The following PHF21B variants were observed in gnomAD, a reference collection of about 807,000 sequenced individuals.
The protein encoded by PHF21B is PHD finger protein 4.
Under a neutral mutation model 62.2 loss-of-function variants are expected in PHF21B, and 22 were observed. The ratio of observed to expected loss-of-function variants is 0.35; its 90% CI spans 0.25 to 0.51. PHF21B has a LOEUF of 0.51. Ranked by LOEUF, PHF21B falls within the 20% of genes least tolerant of loss-of-function variation. PHF21B has a pLI of 0.97. For synonymous variants in PHF21B, 341 were observed against 314.7 expected, an observed-to-expected ratio of 1.08 and a Z score of -0.88; for missense variants, 701 against 707.9, an observed-to-expected ratio of 0.99 and a Z score of 0.11.
rs2071899276 is a variant in PHF21B, at chr22:44,938,804, C to T, written c.121-18314G>A. Among the ~76,000 whole-genome samples, 4 of 152,296 alleles carry T rather than the reference C, an allele frequency of 2.6e-5. No individual in the cohort carries two copies. The South Asian group carries it at 8.3e-4, about 32-fold the overall frequency. ...AGGATCAGGAACAGGTTCTGGGTGG[C>T]ACTGAATATGGGGCAGGAAATCTGG... On this transcript the variant is annotated intron_variant, in intron 2 of 12. Transcript: ENST00000313237.
At chr22:44,918,215 C>A (rs1452395109) in intron 3 of PHF21B, among the ~76,000 whole-genome samples, 1 of 152,236 alleles carries the variant, frequency 6.6e-6, no homozygotes, top group Non-Finnish European at 1.5e-5. Context: ...GGCGTGGGGG[C>A]GGATGGACAC....
In PHF21B at chr22:44,935,127, C is replaced by T. The variant is rs1019616978; in HGVS notation, c.121-14637G>A. 9.2e-5 allele frequency among the ~76,000 whole-genome samples: 14 copies of T among 152,274 alleles called. No individual in the cohort carries two copies. In the East Asian group the frequency reaches 2.1e-3, roughly 23 times the overall value. On this transcript the variant is annotated intron_variant, in intron 2 of 12. Coordinates refer to ENST00000313237, the MANE Select transcript of PHF21B (RefSeq NM_138415.5). ...TCGGTCCAGTGGTCACCCCTGTCCC[C>T]GACACACTCCCTCTGACCTGCGTCT...
chr22:44,974,363 A>G (rs2072696403), intron 2 of PHF21B, among the ~76,000 whole-genome samples: 1 of 151,632 alleles, frequency 6.6e-6, no homozygotes. Flanking sequence ...GCAGTGAGCC[A>G]TGATCGCACC....
At chr22:44,922,782 T>C (rs2071560632) in intron 2 of PHF21B, among the ~76,000 whole-genome samples, 1 of 152,342 alleles carries the variant, frequency 6.6e-6, no homozygotes, top group African/African-American at 2.4e-5. Flanking sequence ...ATAAGACCTG[T>C]ACACTGGAAA....
chr22:44,999,480 T>C (rs943576941), intron 2 of PHF21B, among the ~76,000 whole-genome samples: 1 of 152,028 alleles, frequency 6.6e-6, no homozygotes, highest in Non-Finnish European at 1.5e-5. Context: ...TCCCGGGAGA[T>C]GCAGAGACCC....
At chr22:44,950,566 C>T (rs1204982612) in intron 2 of PHF21B, among the ~76,000 whole-genome samples, 2 of 151,876 alleles carry the variant, frequency 1.3e-5, no homozygotes, top group Non-Finnish European at 2.9e-5. Context: ...TTCTGTTCTT[C>T]GTGTTCGTGT....
intron 2 of PHF21B, among the ~76,000 whole-genome samples, chr22:44,921,391 G>A (rs943772252): frequency 1.3e-5 from 2 of 150,982 alleles, no homozygotes; most frequent in Non-Finnish European, 2.9e-5. Context: ...TTCTTGAGAC[G>A]GAGTCTTGCT....
intron 5 of PHF21B, among the ~76,000 whole-genome samples, chr22:44,905,917 C>G (rs2071241653): frequency 6.6e-6 from 1 of 152,240 alleles, no homozygotes; most frequent in Non-Finnish European, 1.5e-5. Context: ...CTTTCTTTTT[C>G]TCTCCCTCAC....
rs16993241 is a variant in PHF21B at position 44,967,083 on chromosome 22, C to G, written c.120+41462G>C. The G allele has an allele frequency of 0.017, 2,542 of 152,378 alleles. 363 individuals carry two copies. The East Asian group carries it at 0.35, about 21-fold the overall frequency. The allele number at this position is 152,378 out of a possible 1,614,324, so 9.4% of individuals were successfully genotyped here. On this transcript the variant is annotated intron_variant, in intron 2 of 12. Transcript: ENST00000313237. ...CATGGAGAGCCACGTGGAGCTGAAT[C>G]AGGAACTTTCTCCAACCACTGAGTC...
intron 5 of PHF21B, among the ~76,000 whole-genome samples, chr22:44,908,992 T>C (rs1202966878): frequency 6.6e-6 from 1 of 152,152 alleles, no homozygotes; most frequent in African/African-American, 2.4e-5. Flanking sequence ...GAGACCAGGT[T>C]TCACCCTATT....
At chr22:44,966,165 C>T (rs554692619) in intron 2 of PHF21B, among the ~76,000 whole-genome samples, 6 of 152,334 alleles carry the variant, frequency 3.9e-5, no homozygotes, top group South Asian at 2.1e-4. Flanking sequence ...CTCGCTCCTA[C>T]GCTGCCTGGG....
intron 2 of PHF21B, among the ~76,000 whole-genome samples, chr22:44,958,923 G>T (rs536004064): frequency 2.6e-5 from 4 of 152,124 alleles, no homozygotes; most frequent in Non-Finnish European, 5.9e-5. Flanking sequence ...TTACAGGTGT[G>T]AGCCACCGCA....
intron 7 of PHF21B, among the ~76,000 whole-genome samples, chr22:44,891,648 G>T (rs1276586860): frequency 2.0e-5 from 3 of 152,216 alleles, no homozygotes; most frequent in African/African-American, 7.2e-5. Context: ...CTCAGGAAGG[G>T]CCGTCAGTGG....
At chr22:45,007,629 T>TA (rs2073346110) in intron 2 of PHF21B, among the ~76,000 whole-genome samples, 1 of 139,602 alleles carries the variant, frequency 7.2e-6, no homozygotes, top group African/African-American at 2.7e-5. Context: ...GCCACAGCGG[T>TA]GCCCCCAGCA....
intron 2 of PHF21B, among the ~76,000 whole-genome samples, chr22:44,935,912 C>A (rs1257489028): frequency 6.6e-6 from 1 of 152,180 alleles, no homozygotes; most frequent in Admixed American, 6.5e-5. Context: ...CGAACCCACT[C>A]TGGGCTGGGG....
intron 2 of PHF21B, among the ~76,000 whole-genome samples, chr22:44,972,677 CCTCA>C (rs758599817): frequency 1.0e-3 from 159 of 152,352 alleles, no homozygotes; most frequent in Non-Finnish European, 1.8e-3. Context: ...CCTTGAAAGC[CCTCA>C]CTCAGTCAGT....
intron 8 of PHF21B, among the ~76,000 whole-genome samples, chr22:44,890,227 T>C (rs1182749775): frequency 2.6e-5 from 4 of 152,122 alleles, no homozygotes; most frequent in Admixed American, 2.0e-4. Flanking sequence ...GCTGAGGACA[T>C]AGTGGCAGTG....
In PHF21B at chr22:44,967,827, G is replaced by T. The variant is rs1480644125; in HGVS notation, c.120+40718C>A. 5.3e-5 allele frequency among the ~76,000 whole-genome samples: 8 copies of T among 152,300 alleles called. No individual in the cohort carries two copies. The East Asian group carries it at 1.2e-3, about 22-fold the overall frequency. The stretch of plus-strand genomic sequence containing the variant: ...CTCTCCCCAGGCTGCCCTGGGCTGG[G>T]AGAGTTTCTGACTCTCCTTGTTATT... On this transcript the variant is annotated intron_variant, in intron 2 of 12. Transcript: ENST00000313237.
chr22:44,984,068 C>CCAT (rs1466541094), intron 2 of PHF21B, among the ~76,000 whole-genome samples: 2 of 147,862 alleles, frequency 1.4e-5, no homozygotes, highest in Admixed American at 6.8e-5. Context: ...ATCATCATCA[C>CCAT]CATCACCACC....
Sources: allele counts gnomAD v4.1 joint callset (sites outside exome capture counted in the v4.1 genomes callset), GRCh38; gene constraint gnomAD v4.1.1; transcripts MANE v1.5; gene names NCBI Gene and HGNC (gene_info 2026-07-23, HGNC 2026-07-21).